The following CLASP1 variants were observed in gnomAD, a reference collection of about 807,000 sequenced individuals.
CLASP1 encodes CLIP-associating protein 1.
A neutral mutation model predicts 192.3 loss-of-function variants in CLASP1; 38 were observed. The observed-to-expected ratio is 0.20, with a 90% CI of 0.15 to 0.26. CLASP1 has a LOEUF of 0.26. Among genes scored for constraint, CLASP1 ranks in the 10% least tolerant of loss-of-function variants. CLASP1 has a pLI of 1.00. For missense variants in CLASP1, 1,433 were observed against 1,932.5 expected (o/e 0.74, Z 4.85); for synonymous variants, 691 against 712.8 (o/e 0.97, Z 0.49).
In CLASP1 at chr2:121,551,155, A is replaced by G. The variant is rs192334619; in HGVS notation, c.196-20830T>C. On this transcript the variant is annotated intron_variant, in intron 2 of 39. Coordinates refer to ENST00000263710, the Ensembl canonical transcript of CLASP1. The stretch of plus-strand genomic sequence containing the variant: ...TCAACAGATGCAGAAAGGGCTTTCA[A>G]TAAAGTTAAACACCCCTTCATGTTA... Among the ~76,000 whole-genome samples the G allele has an allele frequency of 9.8e-5, 15 of 152,324 alleles. No individual in the cohort carries two copies. In the East Asian group the frequency reaches 2.9e-3, roughly 29 times the overall value.
chr2:121,371,527 C>T, intron 34 of CLASP1, among the ~76,000 whole-genome samples: 1 of 151,954 alleles, frequency 6.6e-6, no homozygotes, highest in Non-Finnish European at 1.5e-5. Flanking sequence ...GCGTGAGCCA[C>T]CATAATTGGA....
At chr2:121,494,050 A>G (rs1039545612) in intron 8 of CLASP1, among the ~76,000 whole-genome samples, 9 of 152,210 alleles carry the variant, frequency 5.9e-5, no homozygotes, top group African/African-American at 2.2e-4. Flanking sequence ...AGGTTCCTCA[A>G]AACACTAAAA....
intron 2 of CLASP1, among the ~76,000 whole-genome samples, chr2:121,547,533 G>A (rs901671385): frequency 2.6e-5 from 4 of 151,856 alleles, no homozygotes. Context: ...AATGACCCTC[G>A]GCCACAACCA....
intron 2 of CLASP1, among the ~76,000 whole-genome samples, chr2:121,592,938 G>A (rs886637045): frequency 5.9e-5 from 9 of 152,116 alleles, no homozygotes; most frequent in South Asian, 2.1e-4. Flanking sequence ...GAGCCACCAC[G>A]CCCGGCCTAA....
At chr2:121,565,534 C>T (rs2059425773) in intron 2 of CLASP1, among the ~76,000 whole-genome samples, 1 of 152,122 alleles carries the variant, frequency 6.6e-6, no homozygotes, top group Admixed American at 6.5e-5. Context: ...CCTCCACATC[C>T]ACAGCCAACC....
At position 121,497,864 on chromosome 2, in the gene CLASP1, C is replaced by G. The variant is rs538553830; in HGVS notation, c.712+5303G>C. Reference sequence around the variant, plus strand: ...CCTCCCGAATAGCTAGGACTACAGGCGCCCACCACCACGCCCGGGCCCAGC... The same window carrying G: ...CCTCCCGAATAGCTAGGACTACAGGGGCCCACCACCACGCCCGGGCCCAGC... On this transcript the variant is annotated intron_variant, in intron 8 of 39. Transcript: ENST00000263710. 3.9e-4 allele frequency among the ~76,000 whole-genome samples: 59 copies of G among 152,186 alleles called. 1 individual carries two copies. Among genetic ancestry groups the G allele is most frequent in the South Asian group, 2.5e-3 (12 of 4,826 alleles).
chr2:121,383,709 GA>G (rs1162171101), intron 32 of CLASP1, among the ~76,000 whole-genome samples: 1 of 151,612 alleles, frequency 6.6e-6, no homozygotes, highest in African/African-American at 2.4e-5. Context: ...TTTCTTAAAG[GA>G]AATGGACTTC....
chr2:121,602,532 G>A (rs1199269517), intron 2 of CLASP1, among the ~76,000 whole-genome samples: 1 of 152,108 alleles, frequency 6.6e-6, no homozygotes, highest in Non-Finnish European at 1.5e-5. Context: ...AAAGCTAGAG[G>A]CATCACACTA....
intron 19 of CLASP1, among the ~76,000 whole-genome samples, chr2:121,440,078 T>TTTTAA: frequency 7.9e-6 from 1 of 126,450 alleles, no homozygotes; most frequent in South Asian, 2.6e-4. Context: ...AAACTTAAAG[T>TTTTAA]ATAATTAAAA....
intron 1 of CLASP1, among the ~76,000 whole-genome samples, chr2:121,644,981 C>T (rs1256801848): frequency 1.4e-5 from 2 of 140,080 alleles, no homozygotes; most frequent in East Asian, 4.1e-4. Context: ...AAAAAAAAAA[C>T]AAGAGTTGCC....
intron 1 of CLASP1, among the ~76,000 whole-genome samples, chr2:121,615,881 A>G (rs1314941490): frequency 6.6e-6 from 1 of 152,240 alleles, no homozygotes; most frequent in African/African-American, 2.4e-5. Context: ...GCTGTCAAGC[A>G]ATAATTCAAA....
chr2:121,395,551 A>G (rs906092409), intron 30 of CLASP1, among the ~76,000 whole-genome samples: 18 of 152,074 alleles, frequency 1.2e-4, no homozygotes, highest in Non-Finnish European at 2.9e-5. Context: ...AGTCTATTTC[A>G]CTGTTCCCAG....
chr2:121,444,933 G>A (rs767169690), intron 19 of CLASP1: 15 of 1,357,254 alleles, frequency 1.1e-5, no homozygotes, highest in South Asian at 3.5e-5. Flanking sequence ...GAAACAAACC[G>A]CTTACCCTCC....
intron 1 of CLASP1, among the ~76,000 whole-genome samples, chr2:121,636,437 G>A (rs1378329942): frequency 6.6e-6 from 1 of 151,424 alleles, no homozygotes; most frequent in Non-Finnish European, 1.5e-5. Context: ...GCCGAGGCGG[G>A]TGGATCACCT....
chr2:121,478,959 CACACCACACACA>C (rs2092285861), intron 8 of CLASP1, among the ~76,000 whole-genome samples: 1 of 59,830 alleles, frequency 1.7e-5, no homozygotes, highest in African/African-American at 6.8e-5. Flanking sequence ...ACCACACACA[CACACCACACACA>C]CCACACACAC....
chr2:121,608,251 C>T (rs2064719262), intron 1 of CLASP1, among the ~76,000 whole-genome samples: 1 of 152,158 alleles, frequency 6.6e-6, no homozygotes, highest in African/African-American at 2.4e-5. Context: ...TCTTTCTGGA[C>T]CTACTATTAG....
intron 1 of CLASP1, among the ~76,000 whole-genome samples, chr2:121,614,165 T>C (rs991075508): frequency 6.6e-6 from 1 of 152,130 alleles, no homozygotes; most frequent in African/African-American, 2.4e-5. Context: ...TGCCACAATC[T>C]ATTGGTAAAA....
intron 30 of CLASP1, among the ~76,000 whole-genome samples, chr2:121,390,425 C>T (rs1259051776): frequency 6.6e-6 from 1 of 152,158 alleles, no homozygotes; most frequent in Non-Finnish European, 1.5e-5. Context: ...AACCCTAGGG[C>T]AATTTATTTT....
Position 121,401,687 on chromosome 2 carries a change from A to T in CLASP1, c.2737-15T>A. 3.1e-6 allele frequency: 5 copies of T among 1,601,734 alleles called. No homozygotes were observed. The highest frequency in any genetic ancestry group is 3.4e-6 in the Non-Finnish European group (4 of 1,173,070). Reference sequence around the variant, plus strand: ...ATACTGAAAACCTAGACACAAATGAAAACCAAGTAGTTCACATATTGAATT... The same window carrying T: ...ATACTGAAAACCTAGACACAAATGATAACCAAGTAGTTCACATATTGAATT... On this transcript the variant is annotated splice_polypyrimidine_tract_variant and intron_variant, in intron 27 of 39. Coordinates refer to ENST00000263710, the Ensembl canonical transcript of CLASP1.
Sources: allele counts gnomAD v4.1 joint callset (sites outside exome capture counted in the v4.1 genomes callset), GRCh38; gene constraint gnomAD v4.1.1; transcripts MANE v1.5; gene names NCBI Gene and HGNC (gene_info 2026-07-23, HGNC 2026-07-21).